Variants in CLEC2D observed in about 807,000 individuals in gnomAD.
CLEC2D encodes C-type lectin related f.
In CLEC2D, 16 loss-of-function variants were observed where a neutral mutation model predicts 20.0. That is an observed-to-expected ratio of 0.80 (90% confidence interval 0.54 to 1.22). The LOEUF (loss-of-function observed/expected upper bound fraction) is 1.22. Ranked by LOEUF, CLEC2D falls within the 50% of genes most tolerant of loss-of-function variation. The pLI, the probability that CLEC2D is intolerant of heterozygous loss-of-function variation, is 0.00. For synonymous variants in CLEC2D, 77 were observed against 71.1 expected, an observed-to-expected ratio of 1.08 and a Z score of -0.42; for missense variants, 207 against 221.5, an observed-to-expected ratio of 0.93 and a Z score of 0.42.
chr12:9,689,405 C>CA (rs1402375973), intron 3 of CLEC2D, among the ~76,000 whole-genome samples: 6 of 152,088 alleles, frequency 3.9e-5, no homozygotes, highest in Non-Finnish European at 7.4e-5. Context: ...GTTACCACAA[C>CA]ATAGTATTCA....
Position 9,695,683 on chromosome 12 carries a change from AG to A in CLEC2D, c.*811del, listed in dbSNP as rs929007049. 1.9e-6 allele frequency: 3 copies of A among 1,574,508 alleles called. No homozygotes were observed. In the African/African-American group the frequency reaches 4.0e-5, roughly 21 times the overall value. Reference sequence around the variant, plus strand: ...TGAAATAACACCACCAGTGGACTTAAGGTTGAAGTGTGGTTCAGGGCCAGTG... The same window carrying A: ...TGAAATAACACCACCAGTGGACTTAAGTTGAAGTGTGGTTCAGGGCCAGTG... On this transcript the variant is annotated 3_prime_UTR_variant, in exon 5 of 5. Coordinates refer to ENST00000290855, the MANE Select transcript of CLEC2D (RefSeq NM_013269.6).
At chr12:9,671,206 T>C (rs992955102) in intron 1 of CLEC2D, among the ~76,000 whole-genome samples, 1 of 152,168 alleles carries the variant, frequency 6.6e-6, no homozygotes, top group Admixed American at 6.5e-5. Context: ...CTCAACTGAA[T>C]GGAAAGGATT....
At chr12:9,689,642 T>G (rs959471098) in intron 3 of CLEC2D, among the ~76,000 whole-genome samples, 2 of 152,068 alleles carry the variant, frequency 1.3e-5, no homozygotes, top group African/African-American at 4.8e-5. Context: ...AAAATTAGAA[T>G]ATCAATATAA....
intron 1 of CLEC2D, among the ~76,000 whole-genome samples, chr12:9,674,473 A>G (rs1365744306): frequency 1.3e-5 from 2 of 152,238 alleles, no homozygotes; most frequent in East Asian, 3.9e-4. Flanking sequence ...ATGGAGATGC[A>G]GAATTCACCT....
chr12:9,682,759 A>G (rs1423897689), intron 2 of CLEC2D, among the ~76,000 whole-genome samples: 1 of 152,160 alleles, frequency 6.6e-6, no homozygotes, highest in Non-Finnish European at 1.5e-5. Context: ...TTCTTTATCC[A>G]GTCTATCATT....
intron 1 of CLEC2D, among the ~76,000 whole-genome samples, chr12:9,673,300 A>G (rs182181724): frequency 4.7e-4 from 72 of 152,030 alleles, no homozygotes; most frequent in Middle Eastern, 6.8e-3. Context: ...TTGTTTGTTT[A>G]TCTTCTAACA....
intron 4 of CLEC2D, 143 bp from the exon 5 acceptor site, chr12:9,694,617 C>T (rs1472822752): frequency 3.3e-6 from 2 of 610,274 alleles, no homozygotes; most frequent in Non-Finnish European, 3.0e-6. Flanking sequence ...AGCCCACTGA[C>T]TAATTAGTCA....
rs376391415 is a variant in CLEC2D, at chr12:9,687,992, A to G, written c.263A>G (p.Tyr88Cys). The change falls in exon 3 of 5, where the codon TAT (tyrosine) becomes TGT (cysteine). Residue 88 changes from tyrosine (Y) to cysteine (C), a missense_variant. Physicochemically the swap from Tyr to Cys is radical, Grantham distance 194. Transcript: ENST00000290855. ...ATTGGTTTTCAAAGAAAGTGTTTCT[A>G]TTTTTCTGATGACACCAAGAACTGG... Reference protein sequence around the residue: ...SWIGFQRKCFYFSDDTKNWTS... With the variant: ...SWIGFQRKCFCFSDDTKNWTS... The G allele has an allele frequency of 2.0e-5, 33 of 1,612,856 alleles. No homozygotes were observed. Among genetic ancestry groups the G allele is most frequent in the African/African-American group, 1.1e-4 (8 of 74,812 alleles).
chr12:9,677,098 A>T (rs1244952930), intron 1 of CLEC2D, among the ~76,000 whole-genome samples: 5 of 146,590 alleles, frequency 3.4e-5, no homozygotes, highest in Admixed American at 1.4e-4. Flanking sequence ...ACTTTTTTCT[A>T]TCAGTGTCCC....
chr12:9,670,478 T>C (rs1865394673), intron 1 of CLEC2D, among the ~76,000 whole-genome samples: 1 of 152,218 alleles, frequency 6.6e-6, no homozygotes. Context: ...GTTAAATGAC[T>C]TCATTTATTT....
chr12:9,688,164 A>G lies in CLEC2D; in HGVS notation c.357+78A>G. ...TTTCCTGTGAAATTATCTAAGAGGT[A>G]GGTTTAGACATCTGCTTTTACATTG... On this transcript the variant is annotated intron_variant, in intron 3 of 4. Transcript: ENST00000290855. The G allele has an allele frequency of 9.4e-6, 8 of 851,374 alleles. 1 individual carries two copies. Among genetic ancestry groups the G allele is most frequent in the Non-Finnish European group, 9.7e-6 (6 of 620,134 alleles). The allele number at this position is 851,374 out of a possible 1,614,324, so 52.7% of individuals were successfully genotyped here. A position where few individuals can be genotyped will look rare whatever the true frequency, so the allele number is the denominator to read the frequency against.
rs1160876357 is a variant in CLEC2D, at chr12:9,692,812, CTG to C, written c.358-12_358-11del. The C allele has an allele frequency of 3.9e-6, 6 of 1,556,728 alleles. No homozygotes were observed. The East Asian group carries it at 9.1e-5, about 24-fold the overall frequency. On this transcript the variant is annotated splice_polypyrimidine_tract_variant and intron_variant, in intron 3 of 4. Coordinates refer to ENST00000290855, the MANE Select transcript of CLEC2D (RefSeq NM_013269.6). The stretch of plus-strand genomic sequence containing the variant: ...TATGTTAGATTAATGAATATCATCT[CTG>C]TGTTTTCTGAAAGAATTTCCTGTTG...
chr12:9,669,808 G>A lies in CLEC2D; in HGVS notation c.61+13G>A. ...CCTGCAAACCCAGGTAAGAAGCTGG[G>A]CTCTACAGAGTAAGTGTGAGGACTG... On this transcript the variant is annotated intron_variant, in intron 1 of 4. Coordinates refer to ENST00000290855, the MANE Select transcript of CLEC2D (RefSeq NM_013269.6). 1.2e-6 allele frequency: 2 copies of A among 1,600,320 alleles called. No individual in the cohort carries two copies. The highest frequency in any genetic ancestry group is 1.7e-6 in the Non-Finnish European group (2 of 1,167,686).
In CLEC2D at chr12:9,681,130, A is replaced by G. The variant is rs1865626922; in HGVS notation, c.172+97A>G. On this transcript the variant is annotated intron_variant, in intron 2 of 4. Coordinates refer to ENST00000290855, the MANE Select transcript of CLEC2D (RefSeq NM_013269.6). ...ATTTTGTTATTCTTTACAGCTTTTA[A>G]TATATTGTCTCACTAACTGAGTTAC... 4 of 698,854 alleles carry G rather than the reference A, an allele frequency of 5.7e-6. No homozygotes were observed. The South Asian group carries it at 6.1e-5, about 11-fold the overall frequency. The allele number at this position is 698,854 out of a possible 1,614,324, so 43.3% of individuals were successfully genotyped here. A position where few individuals can be genotyped will look rare whatever the true frequency, so the allele number is the denominator to read the frequency against.
rs557740486 is a variant in CLEC2D at position 9,669,873 on chromosome 12, A to T, written c.61+78A>T. 5.0e-4 allele frequency: 595 copies of T among 1,183,118 alleles called. 2 individuals are homozygous for T. The highest frequency in any genetic ancestry group is 6.2e-4 in the Non-Finnish European group (496 of 795,634). The allele number at this position is 1,183,118 out of a possible 1,614,324, so 73.3% of individuals were successfully genotyped here. A position where few individuals can be genotyped will look rare whatever the true frequency, so the allele number is the denominator to read the frequency against. ...TGGTAGTGATGGGCTCACACAGGAA[A>T]GGTGCTGATCTAGTAAAAAGTTTTC... On this transcript the variant is annotated intron_variant, in intron 1 of 4. Transcript: ENST00000290855.
Position 9,698,245 on chromosome 12 carries a change from T to TTA in CLEC2D, c.*3373_*3374dup. On this transcript the variant is annotated 3_prime_UTR_variant, in exon 5 of 5. Transcript: ENST00000290855. ...TTTCTGTGGTGAGAACATTTGAAATTTATTCTCTTGACAATTTTGAAAGAT... is the reference window on the plus strand; with the variant it reads ...TTTCTGTGGTGAGAACATTTGAAATTTATATTCTCTTGACAATTTTGAAAGAT... 1 of 152,260 alleles carries TTA rather than the reference T, an allele frequency of 6.6e-6. No homozygotes were observed. Among genetic ancestry groups the TTA allele is most frequent in the South Asian group, 2.1e-4 (1 of 4,828 alleles). The allele number at this position is 152,260 out of a possible 1,614,324, so 9.4% of individuals were successfully genotyped here.
chr12:9,688,235 A>G, intron 3 of CLEC2D, 149 bp downstream of exon 3: 1 of 1,265,214 alleles, frequency 7.9e-7, no homozygotes. Context: ...AGAGTAACCT[A>G]GCATGTATTA....
At chr12:9,674,100 T>C (rs1865475877) in intron 1 of CLEC2D, 3 of 152,294 alleles carry the variant, frequency 2.0e-5, no homozygotes. Context: ...GACTGGATGG[T>C]TCTCGTGCCT....
Position 9,692,928 on chromosome 12 carries a change from G to A in CLEC2D, c.458G>A (p.Arg153Lys), listed in dbSNP as rs1293821353. ...TGGATAAATGGTACTGAATGGACAA[G>A]ACAGTAAGTTCTAAAAATCTGGCAG... ...WKWINGTEWT[R>K]QFPILGAGEC... The change falls in exon 4 of 5, where the codon AGA (arginine) becomes AAA (lysine). Residue 153 changes from arginine (R) to lysine (K), a missense_variant. Coordinates refer to ENST00000290855, the MANE Select transcript of CLEC2D (RefSeq NM_013269.6). 6.2e-7 allele frequency: 1 copy of A among 1,610,780 alleles called. No individual in the cohort carries two copies. The highest frequency in any genetic ancestry group is 8.5e-7 in the Non-Finnish European group (1 of 1,177,132).
Sources: gnomAD v4.1 joint callset for allele counts (sites outside exome capture counted in the v4.1 genomes callset) on GRCh38, gnomAD v4.1.1 for gene constraint, MANE v1.5 for transcripts, NCBI Gene and HGNC (gene_info 2026-07-23, HGNC 2026-07-21) for gene names.